The following HDAC4 variants were observed in gnomAD, a reference collection of about 807,000 sequenced individuals.
HDAC4 encodes the protein histone deacetylase 4.
In HDAC4, 16 loss-of-function variants were observed where a neutral mutation model predicts 135.1. The observed-to-expected ratio is 0.12, with a 90% CI of 0.08 to 0.18. HDAC4 has a LOEUF of 0.18. HDAC4 is among the 10% of genes least tolerant of loss of function. The pLI, the probability that HDAC4 is intolerant of heterozygous loss-of-function variation, is 1.00. For missense variants in HDAC4, 1,143 were observed against 1,511.8 expected (o/e 0.76, Z 4.05); for synonymous variants, 685 against 653.4 (o/e 1.05, Z -0.74).
rs1188946221 is a variant in HDAC4, at chr2:239,396,529, C to A, written c.-220+4449G>T. On this transcript the variant is annotated intron_variant, in intron 1 of 26. Coordinates refer to ENST00000543185, the MANE Select transcript of HDAC4 (RefSeq NM_001378414.1). The stretch of plus-strand genomic sequence containing the variant: ...ACACTGAATTGATTAGTAATGCTAA[C>A]CTTTCATCACTGGCACAATGATTCA... 2.0e-5 allele frequency among the ~76,000 whole-genome samples: 3 copies of A among 152,202 alleles called. 1 individual carries two copies. Among genetic ancestry groups the A allele is most frequent in the Non-Finnish European group, 4.4e-5 (3 of 68,042 alleles).
chr2:239,284,568 C>T (rs12328590), intron 2 of HDAC4, among the ~76,000 whole-genome samples: 4,780 of 152,298 alleles, frequency 0.031, 260 homozygotes, highest in African/African-American at 0.11. Context: ...TGCCCCTGGG[C>T]ATCCGGTGCC....
In HDAC4 at chr2:239,285,533, C is replaced by T. The variant is rs976180599; in HGVS notation, c.23-48869G>A. Among the ~76,000 whole-genome samples, 1 of 152,136 alleles carries T rather than the reference C, an allele frequency of 6.6e-6. No individual in the cohort carries two copies. ...GTCATCCCAGCTGGTGGGGAGAAAA[C>T]GAAGCTGGGTAAAAGGGGCTGAGAG... On this transcript the variant is annotated intron_variant, in intron 2 of 26. Coordinates refer to ENST00000543185, the MANE Select transcript of HDAC4 (RefSeq NM_001378414.1). This position sits in a 1 kb window ranked among gnomAD's most constrained non-coding sequence, Gnocchi z 4.5.
At chr2:239,343,117 A>G (rs931384407) in intron 2 of HDAC4, among the ~76,000 whole-genome samples, 8 of 152,240 alleles carry the variant, frequency 5.3e-5, no homozygotes, top group Admixed American at 5.2e-4. Context: ...AAACCAGTTT[A>G]AAAGCTCAGG....
chr2:239,396,790 G>A (rs1696590396), intron 1 of HDAC4, among the ~76,000 whole-genome samples: 1 of 152,238 alleles, frequency 6.6e-6, no homozygotes, highest in Non-Finnish European at 1.5e-5. Flanking sequence ...TATTGAAAGA[G>A]TAGATTAACT....
At chr2:239,351,696 G>A (rs924130752) in intron 2 of HDAC4, 13 of 154,390 alleles carry the variant, frequency 8.4e-5, no homozygotes, top group African/African-American at 3.1e-4. Context: ...GTGTGTAAGC[G>A]TTCCGGCAAT....
intron 2 of HDAC4, among the ~76,000 whole-genome samples, chr2:239,321,759 A>G (rs1304601502): frequency 1.3e-5 from 2 of 152,124 alleles, no homozygotes; most frequent in South Asian, 2.1e-4. Flanking sequence ...AAGCCCTGCC[A>G]TAGAGCACAG....
rs368397545 is a variant in HDAC4, at chr2:239,301,309, C to T, written c.22+51369G>A. The stretch of plus-strand genomic sequence containing the variant: ...TATGCAGCGTGGGAACTGACCCTGC[C>T]GTGAACATTCCTCCTGCCTGCTGAG... On this transcript the variant is annotated intron_variant, in intron 2 of 26. Coordinates refer to ENST00000543185, the MANE Select transcript of HDAC4 (RefSeq NM_001378414.1). Among the ~76,000 whole-genome samples the T allele has an allele frequency of 3.9e-5, 6 of 152,232 alleles. No individual in the cohort carries two copies. In the East Asian group the frequency reaches 1.2e-3, roughly 29 times the overall value.
chr2:239,283,955 G>A (rs2050979972), intron 2 of HDAC4, among the ~76,000 whole-genome samples: 1 of 152,260 alleles, frequency 6.6e-6, no homozygotes, highest in South Asian at 2.1e-4. Flanking sequence ...CAGTAGTGCT[G>A]CCTCGGGATC....
chr2:239,171,561 G>C (rs2043453702), intron 5 of HDAC4, among the ~76,000 whole-genome samples: 2 of 152,242 alleles, frequency 1.3e-5, no homozygotes, highest in South Asian at 4.1e-4. Context: ...ATTAAATGGA[G>C]AGACTGGGGC....
intron 17 of HDAC4, among the ~76,000 whole-genome samples, chr2:239,092,377 T>C (rs911442639): frequency 3.3e-5 from 5 of 152,142 alleles, no homozygotes; most frequent in Non-Finnish European, 5.9e-5. Flanking sequence ...AGGCTGCCCC[T>C]GTGGGGACAG....
intron 3 of HDAC4, among the ~76,000 whole-genome samples, chr2:239,235,424 G>A (rs901275708): frequency 6.6e-6 from 1 of 152,244 alleles, no homozygotes; most frequent in Non-Finnish European, 1.5e-5. Context: ...GGGCACCGGA[G>A]GGCACAGGCG....
intron 2 of HDAC4, among the ~76,000 whole-genome samples, chr2:239,259,817 T>C (rs2049250101): frequency 6.6e-6 from 1 of 152,248 alleles, no homozygotes; most frequent in Non-Finnish European, 1.5e-5. Flanking sequence ...GCCTGTGGTA[T>C]GGCGTGAGCC....
At chr2:239,088,230 C>T (rs2036173620) in intron 18 of HDAC4, among the ~76,000 whole-genome samples, 1 of 152,240 alleles carries the variant, frequency 6.6e-6, no homozygotes, top group Non-Finnish European at 1.5e-5. Context: ...GTAGTTGCTG[C>T]CATAAAAATG....
chr2:239,357,076 C>T (rs1693534332), intron 1 of HDAC4, among the ~76,000 whole-genome samples: 1 of 152,170 alleles, frequency 6.6e-6, no homozygotes, highest in Non-Finnish European at 1.5e-5. Flanking sequence ...ACACGTTATT[C>T]ACGTTCTTTT....
intron 9 of HDAC4, among the ~76,000 whole-genome samples, 165 bp from the exon 10 acceptor site, chr2:239,134,808 G>A (rs564124483): frequency 6.6e-6 from 1 of 152,262 alleles, no homozygotes; most frequent in South Asian, 2.1e-4. Context: ...ATTTCAACAC[G>A]TGCCACAACA....
intron 20 of HDAC4, among the ~76,000 whole-genome samples, chr2:239,082,866 G>A (rs1015374589): frequency 2.0e-5 from 3 of 152,218 alleles, no homozygotes; most frequent in South Asian, 2.1e-4. Context: ...GTTCTGCCCC[G>A]GGCCACAGGG....
intron 1 of HDAC4, among the ~76,000 whole-genome samples, chr2:239,395,346 G>A (rs565649811): frequency 3.3e-5 from 5 of 152,184 alleles, no homozygotes; most frequent in Non-Finnish European, 7.4e-5. Context: ...GTGGAAACCT[G>A]GGAGACTGTT....
rs752090163 is a variant in HDAC4 at position 239,053,492 on chromosome 2, C to T, written c.3198G>A (p.Ser1066=). The T allele has an allele frequency of 2.2e-5, 35 of 1,613,436 alleles. No homozygotes were observed. Among genetic ancestry groups the T allele is most frequent in the South Asian group, 2.2e-5 (2 of 91,070 alleles). ...EEAETVTAMA[S]LSVGVKPAEK... Reference sequence around the variant, plus strand: ...CGGCGGGCTTCACGCCCACGGACAGCGAGGCCATGGCGGTGACCGTCTCGG... The same window carrying T: ...CGGCGGGCTTCACGCCCACGGACAGTGAGGCCATGGCGGTGACCGTCTCGG... Residue 1066 remains serine (S), a synonymous_variant, in exon 26 of 27, where the codon TCG becomes TCA. Transcript: ENST00000543185.
chr2:239,315,697 T>A (rs549831722), intron 2 of HDAC4, among the ~76,000 whole-genome samples: 1 of 152,282 alleles, frequency 6.6e-6, no homozygotes, highest in East Asian at 1.9e-4. Context: ...ACAATTGGGT[T>A]GCTGTCTGGG....
Sources: allele counts gnomAD v4.1 joint callset (sites outside exome capture counted in the v4.1 genomes callset), GRCh38; gene constraint gnomAD v4.1.1; non-coding constraint Gnocchi (gnomAD v3.1); transcripts MANE v1.5; gene names NCBI Gene and HGNC (gene_info 2026-07-23, HGNC 2026-07-21).